CDH12: variants seen among roughly 807,000 people sequenced by gnomAD.
CDH12 encodes the protein cadherin 12.
Under a neutral mutation model 74.1 loss-of-function variants are expected in CDH12, and 41 were observed. The observed-to-expected ratio is 0.55, with a 90% CI of 0.43 to 0.72. CDH12 has a LOEUF of 0.72. Ranked by LOEUF, CDH12 falls within the 30% of genes least tolerant of loss-of-function variation. The pLI, the probability that CDH12 is intolerant of heterozygous loss-of-function variation, is 0.00. For missense variants in CDH12, 945 were observed against 977.2 expected (o/e 0.97, Z 0.44); for synonymous variants, 399 against 355.0 (o/e 1.12, Z -1.39).
chr5:22,692,055 A>C (rs1348689475), intron 1 of CDH12, among the ~76,000 whole-genome samples: 1 of 152,070 alleles, frequency 6.6e-6, no homozygotes, highest in East Asian at 1.9e-4. Context: ...ACTTGATGTG[A>C]GGTGTTTGGG....
At chr5:22,539,067 A>G (rs1737985546) in intron 1 of CDH12, among the ~76,000 whole-genome samples, 1 of 152,182 alleles carries the variant, frequency 6.6e-6, no homozygotes, top group Non-Finnish European at 1.5e-5. Context: ...AACTGCAGGA[A>G]GTTTAATAAT....
At chr5:22,759,209 C>A (rs868277029) in intron 1 of CDH12, among the ~76,000 whole-genome samples, 29 of 149,000 alleles carry the variant, frequency 1.9e-4, no homozygotes, top group African/African-American at 5.8e-4. Context: ...AAAAAAAAAA[C>A]AAAAAAAAAC....
chr5:22,772,911 C>T (rs1746885615), intron 1 of CDH12, among the ~76,000 whole-genome samples: 1 of 151,620 alleles, frequency 6.6e-6, no homozygotes, highest in African/African-American at 2.4e-5. Flanking sequence ...ACAATAGCTA[C>T]AAAAAAATTA....
chr5:21,975,307 T>G lies in CDH12; in HGVS notation c.310A>C (p.Ile104Leu), dbSNP rs777539701. ...TGAATGTCCCCTGTGGTTTCATCAA[T>G]GGTAAAAACGGTGCCAGCGCCATCT... is the stretch of plus-strand genomic sequence containing the variant. Reference protein sequence around the residue: ...SGDGAGTVFTIDETTGDIHAI... With the variant: ...SGDGAGTVFTLDETTGDIHAI... Residue 104 changes from isoleucine (I) to leucine (L), a missense_variant, in exon 6 of 15, where the codon ATT becomes CTT. By Grantham distance (5) the Ile-to-Leu change is conservative. Around this residue, in one of 3 missense-constraint regions of CDH12, gnomAD observed 148 missense variants for 162.8 expected, o/e 0.91. Transcript: ENST00000382254. 12 of 1,597,140 alleles carry G rather than the reference T, an allele frequency of 7.5e-6. No individual in the cohort carries two copies. The highest frequency in any genetic ancestry group is 2.7e-5 in the African/African-American group (2 of 74,816).
intron 5 of CDH12, among the ~76,000 whole-genome samples, chr5:21,985,680 C>T (rs1023680724): frequency 6.6e-6 from 1 of 152,100 alleles, no homozygotes; most frequent in Non-Finnish European, 1.5e-5. Flanking sequence ...ACAACACAAA[C>T]TACTTTTGCT....
At chr5:22,673,043 C>T (rs1251974468) in intron 1 of CDH12, among the ~76,000 whole-genome samples, 1 of 151,678 alleles carries the variant, frequency 6.6e-6, no homozygotes, top group Non-Finnish European at 1.5e-5. Flanking sequence ...TCTTTTGGAT[C>T]TTTCATATTT....
intron 4 of CDH12, among the ~76,000 whole-genome samples, chr5:22,084,743 G>A (rs2150231563): frequency 6.6e-6 from 1 of 152,228 alleles, no homozygotes; most frequent in African/African-American, 2.4e-5. Flanking sequence ...TGTCAGCCAG[G>A]GAGCTTTTAA....
At chr5:21,900,606 A>C (rs1418527455) in intron 6 of CDH12, among the ~76,000 whole-genome samples, 3 of 152,184 alleles carry the variant, frequency 2.0e-5, no homozygotes, top group Non-Finnish European at 4.4e-5. Flanking sequence ...ATTACACTAG[A>C]AATGTCATGG....
At chr5:22,818,137 G>A (rs181932043) in intron 1 of CDH12, among the ~76,000 whole-genome samples, 400 of 152,188 alleles carry the variant, frequency 2.6e-3, no homozygotes, top group Middle Eastern at 0.01. Context: ...ATACCAGTTC[G>A]TCCTGTCCAA....
chr5:22,349,461 T>C (rs573600411), intron 3 of CDH12, among the ~76,000 whole-genome samples: 4 of 152,226 alleles, frequency 2.6e-5, no homozygotes, highest in Non-Finnish European at 5.9e-5. Flanking sequence ...CTCATTCCTT[T>C]GGTTTCAAAT....
chr5:22,077,642 T>C (rs951645403), intron 5 of CDH12, among the ~76,000 whole-genome samples: 1 of 151,334 alleles, frequency 6.6e-6, no homozygotes, highest in Admixed American at 6.6e-5. Context: ...TTTGGGGAAA[T>C]TTTTTTTTGG....
intron 1 of CDH12, among the ~76,000 whole-genome samples, chr5:22,849,013 G>A (rs569083861): frequency 6.6e-6 from 1 of 150,926 alleles, no homozygotes; most frequent in Non-Finnish European, 1.5e-5. Flanking sequence ...CAAGTCACTT[G>A]GGAACCCCTT....
intron 10 of CDH12, among the ~76,000 whole-genome samples, chr5:21,798,394 T>C (rs548848503): frequency 2.0e-5 from 3 of 152,084 alleles, no homozygotes; most frequent in Non-Finnish European, 4.4e-5. Flanking sequence ...GTAAATTGGT[T>C]AGCATTCAGC....
At chr5:21,808,843 A>G (rs769925578) in intron 9 of CDH12, among the ~76,000 whole-genome samples, 3 of 152,104 alleles carry the variant, frequency 2.0e-5, no homozygotes, top group Non-Finnish European at 2.9e-5. Context: ...TGATGAACAA[A>G]AGTTGCCACT....
intron 8 of CDH12, among the ~76,000 whole-genome samples, chr5:21,830,418 C>A (rs1412692842): frequency 6.6e-6 from 1 of 151,880 alleles, no homozygotes; most frequent in East Asian, 1.9e-4. Flanking sequence ...TATTGATTTA[C>A]CTAATTCTCC....
intron 1 of CDH12, among the ~76,000 whole-genome samples, chr5:22,692,196 C>A (rs145679411): frequency 1.3e-5 from 2 of 152,322 alleles, no homozygotes; most frequent in Non-Finnish European, 2.9e-5. Context: ...ATCAGCTCCC[C>A]TTCCTCTTCC....
chr5:21,797,967 T>C (rs1182408903), intron 10 of CDH12, among the ~76,000 whole-genome samples: 1 of 152,172 alleles, frequency 6.6e-6, no homozygotes, highest in Non-Finnish European at 1.5e-5. Context: ...ATAGTTTCTC[T>C]ATGTAAATTC....
intron 12 of CDH12, among the ~76,000 whole-genome samples, chr5:21,762,438 C>T (rs1051744800): frequency 1.3e-5 from 2 of 151,968 alleles, no homozygotes; most frequent in African/African-American, 4.8e-5. Flanking sequence ...AGAGACAGTT[C>T]GTATGCATAG....
chr5:21,968,857 C>A (rs1358579518), intron 6 of CDH12, among the ~76,000 whole-genome samples: 1 of 151,998 alleles, frequency 6.6e-6, no homozygotes, highest in Non-Finnish European at 1.5e-5. Flanking sequence ...AAGCCATTAT[C>A]CTTAGCAAAG....
Sources: gnomAD v4.1 joint callset for allele counts (sites outside exome capture counted in the v4.1 genomes callset) on GRCh38, gnomAD v4.1.1 for gene constraint, gnomAD v4.1.1 regional missense constraint, MANE v1.5 for transcripts, NCBI Gene and HGNC (gene_info 2026-07-23, HGNC 2026-07-21) for gene names.